MAML3: variants seen among roughly 807,000 people sequenced by gnomAD.
The protein encoded by MAML3 is mastermind like transcriptional coactivator 3.
A neutral mutation model predicts 101.9 loss-of-function variants in MAML3; 27 were observed. The ratio of observed to expected loss-of-function variants is 0.27; its 90% confidence interval spans 0.20 to 0.37. MAML3 has a LOEUF of 0.37. Among genes scored for constraint, MAML3 ranks in the 10% least tolerant of loss-of-function variants. The pLI is 1.00. For synonymous variants in MAML3, 501 were observed against 555.9 expected (o/e 0.90, Z 1.39); for missense variants, 1,316 against 1,444.9 (o/e 0.91, Z 1.45).
chr4:139,887,393 TGAGACGA>T (rs1732365924), intron 2 of MAML3, among the ~76,000 whole-genome samples: 1 of 152,198 alleles, frequency 6.6e-6, no homozygotes, highest in Admixed American at 6.5e-5. Flanking sequence ...AAATACTTCG[TGAGACGA>T]GAGAAGAGAG....
intron 2 of MAML3, among the ~76,000 whole-genome samples, chr4:139,858,314 A>G (rs1731704617): frequency 6.6e-6 from 1 of 152,134 alleles, no homozygotes; most frequent in Non-Finnish European, 1.5e-5. Flanking sequence ...TCCTTTCTTC[A>G]ATGTACTGTA....
chr4:140,082,413 T>C (rs1245162643), intron 1 of MAML3, among the ~76,000 whole-genome samples: 1 of 152,108 alleles, frequency 6.6e-6, no homozygotes, highest in African/African-American at 2.4e-5. Flanking sequence ...GAGAGGAAGG[T>C]GGGCCTGCAG....
At chr4:140,093,962 C>A (rs1003453162) in intron 1 of MAML3, among the ~76,000 whole-genome samples, 1 of 152,196 alleles carries the variant, frequency 6.6e-6, no homozygotes, top group African/African-American at 2.4e-5. Context: ...TCCTTTGGAG[C>A]CCCAGTAACC....
At chr4:139,867,655 G>A (rs1286048517) in intron 2 of MAML3, among the ~76,000 whole-genome samples, 4 of 152,138 alleles carry the variant, frequency 2.6e-5, no homozygotes, top group Admixed American at 2.0e-4. Context: ...TCAATAAAAT[G>A]GTTTCTGTTT....
intron 2 of MAML3, among the ~76,000 whole-genome samples, chr4:139,802,112 AG>A (rs1730619967): frequency 6.6e-6 from 1 of 152,162 alleles, no homozygotes; most frequent in African/African-American, 2.4e-5. Flanking sequence ...AGTCTAGTGA[AG>A]GGGGAGAGCT....
chr4:140,117,057 C>T (rs1006694886), intron 1 of MAML3, among the ~76,000 whole-genome samples: 1 of 152,184 alleles, frequency 6.6e-6, no homozygotes, highest in Non-Finnish European at 1.5e-5. Context: ...TTAAAAAGCT[C>T]TATTTCCTCT....
At chr4:139,770,344 A>C (rs1729950033) in intron 2 of MAML3, among the ~76,000 whole-genome samples, 2 of 152,264 alleles carry the variant, frequency 1.3e-5, no homozygotes, top group African/African-American at 2.4e-5. Flanking sequence ...TTCTGGCTTA[A>C]ATGGATGGAA....
intron 2 of MAML3, among the ~76,000 whole-genome samples, chr4:139,787,559 C>CTG (rs1197243599): frequency 6.6e-6 from 1 of 152,152 alleles, no homozygotes; most frequent in African/African-American, 2.4e-5. Context: ...TTAATATCTC[C>CTG]TGTGATAACC....
intron 1 of MAML3, among the ~76,000 whole-genome samples, chr4:140,029,797 T>C (rs547580381): frequency 1.3e-5 from 2 of 152,296 alleles, no homozygotes; most frequent in South Asian, 2.1e-4. Context: ...GATGCTAACA[T>C]TTTGTTTTTT....
At chr4:139,884,747 C>T (rs1334689283) in intron 2 of MAML3, among the ~76,000 whole-genome samples, 1 of 152,208 alleles carries the variant, frequency 6.6e-6, no homozygotes, top group Admixed American at 6.5e-5. Flanking sequence ...TCTATTTGAT[C>T]TCAAAAGCGG....
rs973621686 is a variant in MAML3 at position 139,718,122 on chromosome 4, TG to T, written c.*1200del. 6.6e-6 allele frequency: 1 copy of T among 152,188 alleles called. No individual in the cohort carries two copies. Among genetic ancestry groups the T allele is most frequent in the African/African-American group, 2.4e-5 (1 of 41,450 alleles). The allele number at this position is 152,188 out of a possible 1,614,324, so 9.4% of individuals were successfully genotyped here. On this transcript the variant is annotated 3_prime_UTR_variant, in exon 5 of 5. Transcript: ENST00000509479. Reference sequence around the variant, plus strand: ...CCCAGGATTTCGCCCAAAGGGAGCCTGAACCAGTGACCTCCAGGCCACTCCT... The same window carrying T: ...CCCAGGATTTCGCCCAAAGGGAGCCTAACCAGTGACCTCCAGGCCACTCCT...
At chr4:139,929,519 C>T (rs914115042) in intron 1 of MAML3, among the ~76,000 whole-genome samples, 2 of 152,296 alleles carry the variant, frequency 1.3e-5, no homozygotes, top group African/African-American at 2.4e-5. Context: ...GAACCATCAC[C>T]GCTACTCTAT....
intron 1 of MAML3, among the ~76,000 whole-genome samples, chr4:139,950,191 C>T (rs1261617811): frequency 6.6e-6 from 1 of 152,124 alleles, no homozygotes; most frequent in Admixed American, 6.5e-5. Context: ...CAGATGCACA[C>T]CACCATGCCC....
At chr4:139,951,888 G>A (rs530410645) in intron 1 of MAML3, among the ~76,000 whole-genome samples, 3 of 152,260 alleles carry the variant, frequency 2.0e-5, no homozygotes, top group Admixed American at 6.5e-5. Flanking sequence ...ATTAGGCTGC[G>A]TGCAGTGGCT....
chr4:139,858,716 C>T (rs918231249), intron 2 of MAML3, among the ~76,000 whole-genome samples: 1 of 152,138 alleles, frequency 6.6e-6, no homozygotes, highest in Admixed American at 6.5e-5. Context: ...AGTGTCTCTG[C>T]TCCCGACCGC....
intron 1 of MAML3, among the ~76,000 whole-genome samples, chr4:140,105,586 T>C (rs930552452): frequency 2.0e-5 from 3 of 152,236 alleles, no homozygotes; most frequent in Admixed American, 6.5e-5. Context: ...ATTTTCAAGT[T>C]AGATCGCACT....
At chr4:140,045,343 T>C (rs1264746788) in intron 1 of MAML3, among the ~76,000 whole-genome samples, 1 of 142,830 alleles carries the variant, frequency 7.0e-6, no homozygotes, top group East Asian at 2.0e-4. Context: ...TGCAGTGAGC[T>C]GAAATCGTGC....
rs369602172 is a variant in MAML3, at chr4:140,122,220, C to CTTTTTTTTTTTTTTTTTTTTTTTTTT, written c.468+30639_468+30640insAAAAAAAAAAAAAAAAAAAAAAAAAA. 1.6e-5 allele frequency among the ~76,000 whole-genome samples: 2 copies of CTTTTTTTTTTTTTTTTTTTTTTTTTT among 124,614 alleles called. 1 individual carries two copies. The highest frequency in any genetic ancestry group is 3.3e-5 in the Non-Finnish European group (2 of 61,320). The allele number at this position is 124,614 out of a possible 152,430, so 81.8% of individuals were successfully genotyped here. On this transcript the variant is annotated intron_variant, in intron 1 of 4. Transcript: ENST00000509479. The stretch of plus-strand genomic sequence containing the variant: ...TTCTCACAGGAATAATCAAACGAGA[C>CTTTTTTTTTTTTTTTTTTTTTTTTTT]TTTTTTTTTTTTTTTTTTTAAACAG...
intron 2 of MAML3, among the ~76,000 whole-genome samples, chr4:139,755,028 T>C (rs1729616766): frequency 6.6e-6 from 1 of 152,208 alleles, no homozygotes; most frequent in Non-Finnish European, 1.5e-5. Flanking sequence ...ACAAACACCA[T>C]TTCCCTGGGG....
Sources: gnomAD v4.1 joint callset for allele counts (sites outside exome capture counted in the v4.1 genomes callset) on GRCh38, gnomAD v4.1.1 for gene constraint, MANE v1.5 for transcripts, NCBI Gene and HGNC (gene_info 2026-07-23, HGNC 2026-07-21) for gene names.